CYP4F2: variants seen among roughly 807,000 people sequenced by gnomAD.
The protein encoded by CYP4F2 is cytochrome P450 family 4 subfamily F member 2.
A neutral mutation model predicts 58.9 loss-of-function variants in CYP4F2; 58 were observed. The observed-to-expected ratio is 0.98, with a 90% CI of 0.80 to 1.23. CYP4F2 has a LOEUF of 1.23. Among genes scored for constraint, CYP4F2 ranks in the 50% most tolerant of loss-of-function variants. CYP4F2 has a pLI of 0.00. For synonymous variants in CYP4F2, 287 were observed against 261.1 expected (o/e 1.10, Z -0.95); for missense variants, 616 against 685.6 (o/e 0.90, Z 1.13).
At position 15,879,683 on chromosome 19, in the gene CYP4F2, G is replaced by A; in HGVS notation, c.1250-15C>T. 6 of 1,614,140 alleles carry A rather than the reference G, an allele frequency of 3.7e-6. No homozygotes were observed. The highest frequency in any genetic ancestry group is 4.2e-6 in the Non-Finnish European group (5 of 1,180,024). ...GCAGATAATGCCTGTGGGAGAGAAG[G>A]GAGCAGTCAGGAGAAGGCCTCCTTC... On this transcript the variant is annotated splice_polypyrimidine_tract_variant and intron_variant, in intron 10 of 12. Coordinates refer to ENST00000221700, the MANE Select transcript of CYP4F2 (RefSeq NM_001082.5).
chr19:15,892,213 C>T (rs1032718902), intron 5 of CYP4F2, 96 bp downstream of exon 5: 2 of 1,566,932 alleles, frequency 1.3e-6, no homozygotes, highest in East Asian at 4.5e-5. Context: ...AGCAATGGCC[C>T]AATGGCACCC....
In CYP4F2 at chr19:15,895,510, G is replaced by A; in HGVS notation, c.339C>T (p.Ala113=). The A allele has an allele frequency of 6.6e-7, 1 of 1,518,044 alleles. No individual in the cohort carries two copies. The highest frequency in any genetic ancestry group is 8.8e-7 in the Non-Finnish European group (1 of 1,142,642). 94.0% of individuals were successfully genotyped at this position (1,518,044 alleles called of 1,614,324 possible). The part of the protein sequence containing the change: ...HPDIIRSVIN[A]SAAIAPKDKF... ...ACCAGCTGTTCCAGATGGTACCTGA[G>A]GCGTTGATGACAGACCGGATGATGT... Residue 113 remains alanine, a synonymous_variant, in exon 3 of 13, where the codon GCC becomes GCT. Coordinates refer to ENST00000221700, the MANE Select transcript of CYP4F2 (RefSeq NM_001082.5).
intron 1 of CYP4F2, 31 bp downstream of exon 1, chr19:15,897,995 C>A (rs374114929): frequency 1.3e-5 from 3 of 237,354 alleles, no homozygotes; most frequent in Non-Finnish European, 2.5e-5. Context: ...GGCCAGGACC[C>A]CCCCCAGGCC....
At chr19:15,887,332 G>A (rs568483573) in intron 7 of CYP4F2, among the ~76,000 whole-genome samples, 52 of 135,832 alleles carry the variant, frequency 3.8e-4, no homozygotes, top group South Asian at 1.7e-3. Flanking sequence ...ACAAATACAC[G>A]TAAACATAGA....
chr19:15,882,079 A>G (rs2089349281), intron 9 of CYP4F2, among the ~76,000 whole-genome samples: 1 of 151,986 alleles, frequency 6.6e-6, no homozygotes, highest in Non-Finnish European at 1.5e-5. Flanking sequence ...CCCGTCTCTA[A>G]TAAAAATACA....
intron 3 of CYP4F2, 115 bp downstream of exon 3, chr19:15,895,391 A>G: frequency 7.8e-7 from 1 of 1,286,680 alleles, no homozygotes; most frequent in East Asian, 2.8e-5. Context: ...AGATGAAGAT[A>G]GCTGAGAGGG....
At chr19:15,894,325 C>G (rs2089435857) in intron 3 of CYP4F2, among the ~76,000 whole-genome samples, 1 of 152,172 alleles carries the variant, frequency 6.6e-6, no homozygotes, top group Admixed American at 6.5e-5. Flanking sequence ...ATCAGAGACA[C>G]AGGGATTGGG....
In CYP4F2 at chr19:15,889,748, G is replaced by A; in HGVS notation, c.648-55C>T. The A allele has an allele frequency of 1.1e-5, 18 of 1,593,192 alleles. 1 individual carries two copies. The South Asian group carries it at 2.0e-4, about 17-fold the overall frequency. On this transcript the variant is annotated intron_variant, in intron 6 of 12. Coordinates refer to ENST00000221700, the MANE Select transcript of CYP4F2 (RefSeq NM_001082.5). ...CAATTTAATATACCTGAAGCCCCAG[G>A]ATCACCTCCCACCAGCAGCCAGGAT...
At chr19:15,890,828 C>A (rs1381075776) in intron 5 of CYP4F2, among the ~76,000 whole-genome samples, 1 of 152,178 alleles carries the variant, frequency 6.6e-6, no homozygotes, top group Non-Finnish European at 1.5e-5. Flanking sequence ...TGGGTTAGTT[C>A]CCTAATCTCT....
At position 15,878,931 on chromosome 19, in the gene CYP4F2, C is replaced by T; in HGVS notation, c.1403G>A (p.Cys468Tyr). 1 of 1,613,232 alleles carries T rather than the reference C, an allele frequency of 6.2e-7. No individual in the cohort carries two copies. The highest frequency in any genetic ancestry group is 2.2e-5 in the East Asian group (1 of 44,868). ...CGCCATCGCGAACGTCTGCCCGATG[C>T]AGTTCCTAGGGGAGGGAGGTGGGAA... ...FIPFSAGPRN[C>Y]IGQTFAMAEM... is the part of the protein sequence containing the mutation. Residue 468 changes from cysteine to tyrosine, a missense_variant, in exon 13 of 13, where the codon TGC (cysteine) becomes TAC (tyrosine). By Grantham distance (194) the Cys-to-Tyr change is radical. Coordinates refer to ENST00000221700, the MANE Select transcript of CYP4F2 (RefSeq NM_001082.5).
At chr19:15,889,273 C>T in intron 7 of CYP4F2, 150 bp downstream of exon 7, 1 of 1,478,174 alleles carries the variant, frequency 6.8e-7, no homozygotes, top group African/African-American at 1.4e-5. Flanking sequence ...CCACAGTCAT[C>T]TCTAAAACCT....
intron 9 of CYP4F2, among the ~76,000 whole-genome samples, chr19:15,884,285 A>G (rs2089362402): frequency 6.6e-6 from 1 of 152,124 alleles, no homozygotes; most frequent in Non-Finnish European, 1.5e-5. Context: ...TCTCACTCAC[A>G]TGTGGGAGCT....
In CYP4F2 at chr19:15,879,055, G is replaced by C. The variant is rs193114233; in HGVS notation, c.1398-119C>G. ...TAGAGCAGTTTGAGGAATAGAGAAGGGGGTATCCGTGCCTGGATCCCCATG... is the reference window on the plus strand; with the variant it reads ...TAGAGCAGTTTGAGGAATAGAGAAGCGGGTATCCGTGCCTGGATCCCCATG... On this transcript the variant is annotated intron_variant, in intron 12 of 12. Transcript: ENST00000221700. The C allele has an allele frequency of 2.0e-4, 295 of 1,460,062 alleles. No homozygotes were observed. The East Asian group carries it at 5.8e-3, about 29-fold the overall frequency. The allele number at this position is 1,460,062 out of a possible 1,614,324, so 90.4% of individuals were successfully genotyped here. A position where few individuals can be genotyped will look rare whatever the true frequency, so the allele number is the denominator to read the frequency against.
intron 2 of CYP4F2, 53 bp from the exon 3 acceptor site, chr19:15,895,703 T>C (rs1568474374): frequency 6.4e-7 from 1 of 1,569,524 alleles, no homozygotes; most frequent in South Asian, 1.2e-5. Context: ...TCTAGGTGTC[T>C]ACTTGACTGG....
chr19:15,895,236 T>C (rs1036580385), intron 3 of CYP4F2, among the ~76,000 whole-genome samples: 4 of 152,130 alleles, frequency 2.6e-5, no homozygotes, highest in African/African-American at 9.7e-5. Context: ...CAGGTCCATC[T>C]CCTTAAAGTT....
At chr19:15,894,972 C>T (rs79535824) in intron 3 of CYP4F2, among the ~76,000 whole-genome samples, 5,853 of 152,290 alleles carry the variant, frequency 0.038, 154 homozygotes, top group South Asian at 0.058. Flanking sequence ...AAGTCCTCCT[C>T]ATTGTTCTAG....
At chr19:15,883,348 A>G (rs1261176800) in intron 9 of CYP4F2, among the ~76,000 whole-genome samples, 1 of 151,000 alleles carries the variant, frequency 6.6e-6, no homozygotes, top group Non-Finnish European at 1.5e-5. Flanking sequence ...AATAAGACAT[A>G]CAAATGGCCA....
intron 7 of CYP4F2, among the ~76,000 whole-genome samples, chr19:15,886,668 C>T (rs1467111762): frequency 2.0e-5 from 3 of 152,216 alleles, no homozygotes; most frequent in African/African-American, 7.2e-5. Context: ...GATTTGCCCA[C>T]ATTCTAGAGT....
rs556229782 is a variant in CYP4F2, at chr19:15,885,740, A to T, written c.1115+184T>A. Among the ~76,000 whole-genome samples, 4 of 152,244 alleles carry T rather than the reference A, an allele frequency of 2.6e-5. No individual in the cohort carries two copies. In the South Asian group the frequency reaches 8.3e-4, roughly 32 times the overall value. On this transcript the variant is annotated intron_variant, in intron 9 of 12. Transcript: ENST00000221700. ...TCAGAAGCCCAGGTCTTTCTGTCCT[A>T]AGGGCCTATAACCTTTCCCCAGACA... is the stretch of plus-strand genomic sequence containing the variant.
Sources: gnomAD v4.1 joint callset for allele counts (sites outside exome capture counted in the v4.1 genomes callset) on GRCh38, gnomAD v4.1.1 for gene constraint, MANE v1.5 for transcripts, NCBI Gene and HGNC (gene_info 2026-07-23, HGNC 2026-07-21) for gene names.